The following OXR1 variants were observed in gnomAD, a reference collection of about 807,000 sequenced individuals.
OXR1 encodes the protein oxidation resistance protein 1.
A neutral mutation model predicts 104.6 loss-of-function variants in OXR1; 41 were observed. The ratio of observed to expected loss-of-function variants is 0.39; its 90% confidence interval spans 0.31 to 0.51. OXR1 has a LOEUF of 0.51. Ranked by LOEUF, OXR1 falls within the 20% of genes least tolerant of loss-of-function variation. The probability of loss-of-function intolerance (pLI) is 0.77; values close to 1 mark genes in which losing one functional copy is unlikely to be tolerated. For missense variants in OXR1, 955 were observed against 1,031.9 expected, an observed-to-expected ratio of 0.93 and a Z score of 1.02; for synonymous variants, 348 against 348.4, an observed-to-expected ratio of 1.00 and a Z score of 0.01.
intron 3 of OXR1, among the ~76,000 whole-genome samples, chr8:106,570,506 A>G (rs1817395973): frequency 6.6e-6 from 1 of 152,220 alleles, no homozygotes; most frequent in African/African-American, 2.4e-5. Flanking sequence ...CAGAAACTCT[A>G]TCTCAAATTG....
chr8:106,288,591 CCA>C (rs1812604306), intron 1 of OXR1, among the ~76,000 whole-genome samples: 1 of 106,626 alleles, frequency 9.4e-6, no homozygotes, highest in African/African-American at 6.4e-5. Flanking sequence ...TATATACACA[CCA>C]TATATATACT....
chr8:106,306,203 A>G (rs932391466), intron 1 of OXR1, among the ~76,000 whole-genome samples: 1 of 152,164 alleles, frequency 6.6e-6, no homozygotes, highest in African/African-American at 2.4e-5. Flanking sequence ...AATATTAGAC[A>G]TAAGTGTTCA....
At chr8:106,552,674 G>A (rs1452064012) in intron 3 of OXR1, among the ~76,000 whole-genome samples, 1 of 152,120 alleles carries the variant, frequency 6.6e-6, no homozygotes, top group Non-Finnish European at 1.5e-5. Flanking sequence ...TCCTGAGAGA[G>A]GATTCAGTAA....
At chr8:106,537,167 A>G (rs1235399714) in intron 3 of OXR1, among the ~76,000 whole-genome samples, 2 of 151,598 alleles carry the variant, frequency 1.3e-5, no homozygotes, top group Non-Finnish European at 2.9e-5. Context: ...TAATATAACT[A>G]CCTCCCAAAG....
chr8:106,622,068 C>T (rs1171942818), intron 3 of OXR1, among the ~76,000 whole-genome samples: 1 of 152,114 alleles, frequency 6.6e-6, no homozygotes, highest in Non-Finnish European at 1.5e-5. Context: ...ATTCTTATTT[C>T]CATTAATGGA....
At chr8:106,421,309 T>C (rs1457750777) in intron 2 of OXR1, among the ~76,000 whole-genome samples, 2 of 152,186 alleles carry the variant, frequency 1.3e-5, no homozygotes, top group Non-Finnish European at 2.9e-5. Context: ...TTAAAAATTG[T>C]TTGCTAATTG....
intron 2 of OXR1, among the ~76,000 whole-genome samples, chr8:106,403,305 G>A (rs975802937): frequency 1.3e-5 from 2 of 152,228 alleles, no homozygotes; most frequent in African/African-American, 4.8e-5. Flanking sequence ...TCTGATTGCT[G>A]CTTTGGCACT....
At chr8:106,750,381 A>C (rs1206809074) in intron 16 of OXR1, among the ~76,000 whole-genome samples, 23 of 143,228 alleles carry the variant, frequency 1.6e-4, no homozygotes, top group Non-Finnish European at 2.7e-4. Flanking sequence ...GCTGGAGTGC[A>C]ATGGTGCAAT....
At chr8:106,482,417 G>GGA (rs1554580849) in intron 2 of OXR1, among the ~76,000 whole-genome samples, 1 of 145,052 alleles carries the variant, frequency 6.9e-6, no homozygotes, top group African/African-American at 2.5e-5. Context: ...GGAACTGGGG[G>GGA]AAAAAAAAAA....
intron 2 of OXR1, among the ~76,000 whole-genome samples, chr8:106,360,306 A>G (rs1347452086): frequency 6.6e-6 from 1 of 152,184 alleles, no homozygotes; most frequent in Non-Finnish European, 1.5e-5. Context: ...TTTTTTATAT[A>G]ACGAGATGAG....
intron 3 of OXR1, among the ~76,000 whole-genome samples, chr8:106,526,163 T>C (rs1813645970): frequency 1.3e-5 from 2 of 152,202 alleles, no homozygotes; most frequent in African/African-American, 4.8e-5. Context: ...ACGTAAAATA[T>C]GTTTAAATCT....
At chr8:106,607,335 A>G (rs995882123) in intron 3 of OXR1, among the ~76,000 whole-genome samples, 1 of 152,222 alleles carries the variant, frequency 6.6e-6, no homozygotes, top group Admixed American at 6.5e-5. Flanking sequence ...CATTTTTGAC[A>G]TAAGTTATCC....
At chr8:106,374,900 C>T (rs1170154434) in intron 2 of OXR1, among the ~76,000 whole-genome samples, 7 of 152,136 alleles carry the variant, frequency 4.6e-5, no homozygotes, top group Admixed American at 4.6e-4. Context: ...GGTTTTTCAG[C>T]GTTGTGCACA....
At position 106,723,875 on chromosome 8, in the gene OXR1, G is replaced by A. The variant is rs189903267; in HGVS notation, c.1956+9890G>A. ...CACACTCACAGCTCACTGCATCCTC[G>A]AACTCCTGGGCTCAAGAGGTCCTCC... is the stretch of plus-strand genomic sequence containing the variant. On this transcript the variant is annotated intron_variant, in intron 11 of 16. Coordinates refer to ENST00000517566, the MANE Select transcript of OXR1 (RefSeq NM_001198533.2). 1.7e-3 allele frequency among the ~76,000 whole-genome samples: 254 copies of A among 151,914 alleles called. 1 individual carries two copies. The highest frequency in any genetic ancestry group is 6.8e-3 in the Middle Eastern group (2 of 294).
chr8:106,540,931 T>C (rs912596885), intron 3 of OXR1, among the ~76,000 whole-genome samples: 6 of 152,310 alleles, frequency 3.9e-5, no homozygotes, highest in African/African-American at 1.2e-4. Flanking sequence ...GTGGGAATTG[T>C]GGGAATTACA....
chr8:106,302,105 T>C (rs1032081376), intron 1 of OXR1, among the ~76,000 whole-genome samples: 14 of 152,202 alleles, frequency 9.2e-5, no homozygotes, highest in Admixed American at 2.0e-4. Context: ...CTCCTAACTT[T>C]ATAAAGAGTT....
chr8:106,360,307 A>T (rs1229147323), intron 2 of OXR1, among the ~76,000 whole-genome samples: 1 of 152,188 alleles, frequency 6.6e-6, no homozygotes, highest in Non-Finnish European at 1.5e-5. Flanking sequence ...TTTTTATATA[A>T]CGAGATGAGT....
intron 7 of OXR1, chr8:106,697,663 C>T (rs749379777): frequency 3.5e-5 from 57 of 1,613,940 alleles, no homozygotes; most frequent in Non-Finnish European, 4.8e-5. Flanking sequence ...CTTTCCTTCC[C>T]AGAGGTCCAC....
At chr8:106,271,941 T>G (rs1428742702) in intron 1 of OXR1, 1 of 152,070 alleles carries the variant, frequency 6.6e-6, no homozygotes, top group Non-Finnish European at 1.5e-5. Flanking sequence ...CGCGGTTCAC[T>G]TTGCTGCCCC....
Sources: gnomAD v4.1 joint callset for allele counts (sites outside exome capture counted in the v4.1 genomes callset) on GRCh38, gnomAD v4.1.1 for gene constraint, MANE v1.5 for transcripts, NCBI Gene and HGNC (gene_info 2026-07-23, HGNC 2026-07-21) for gene names.